NF1: variants seen among roughly 807,000 people sequenced by gnomAD.
The protein encoded by NF1 is neurofibromin.
Under a neutral mutation model 325.7 loss-of-function variants are expected in NF1, and 122 were observed. The observed-to-expected ratio is 0.37, with a 90% CI of 0.32 to 0.44. The LOEUF (loss-of-function observed/expected upper bound fraction) is 0.44, where lower values mean the gene tolerates loss of function less well. Ranked by LOEUF, NF1 falls within the 20% of genes least tolerant of loss-of-function variation. The pLI is 1.00. For missense variants in NF1, 2,140 were observed against 3,415.4 expected, an observed-to-expected ratio of 0.63 and a Z score of 9.31; for synonymous variants, 1,091 against 1,186.0, an observed-to-expected ratio of 0.92 and a Z score of 1.65.
chr17:31,232,595 C>T (rs2067131404), intron 25 of NF1, 105 bp from the exon 26 acceptor site: 1 of 1,094,434 alleles, frequency 9.1e-7, no homozygotes, highest in South Asian at 1.3e-5. Context: ...AACAGTTAAC[C>T]CAGGGCCATT....
intron 1 of NF1, among the ~76,000 whole-genome samples, chr17:31,128,872 G>A (rs1192054469): frequency 6.6e-6 from 1 of 151,422 alleles, no homozygotes; most frequent in African/African-American, 2.4e-5. Flanking sequence ...CTTGCAGTGA[G>A]CCTAGATCGC....
At chr17:31,320,374 T>C (rs766741150) in intron 36 of NF1, 64 of 1,582,422 alleles carry the variant, frequency 4.0e-5, no homozygotes, top group South Asian at 1.2e-5. Context: ...GATTCTTACC[T>C]AGCTAGTATA....
chr17:31,229,289 A>T lies in NF1; in HGVS notation c.2674A>T (p.Ser892Cys), dbSNP rs746324091. The T allele has an allele frequency of 1.2e-6, 2 of 1,613,928 alleles. No homozygotes were observed. Among genetic ancestry groups the T allele is most frequent in the South Asian group, 1.1e-5 (1 of 91,076 alleles). The change falls in exon 21 of 58, where the codon AGC becomes TGC. Residue 892 changes from serine (S) to cysteine (C), a missense_variant. Transcript: ENST00000358273. ...SSEGNADTPV[S>C]KFMDRLLSLM... ...AGAGGGAAACGCAGATACACCTGTCAGCAAATTTATGGATCGGCTGTTGTC... is the reference window on the plus strand; with the variant it reads ...AGAGGGAAACGCAGATACACCTGTCTGCAAATTTATGGATCGGCTGTTGTC...
intron 1 of NF1, among the ~76,000 whole-genome samples, chr17:31,127,681 C>G (rs776870889): frequency 8.0e-4 from 121 of 151,212 alleles, no homozygotes; most frequent in Middle Eastern, 6.8e-3. Context: ...ATCCTCTAGT[C>G]TCAGCCTCCC....
At chr17:31,319,294 A>G (rs955320017) in intron 36 of NF1, among the ~76,000 whole-genome samples, 4 of 151,936 alleles carry the variant, frequency 2.6e-5, no homozygotes, top group African/African-American at 9.7e-5. Flanking sequence ...ATGGCTTTAT[A>G]TAGTTTTCTT....
At position 31,320,343 on chromosome 17, in the gene NF1, T is replaced by TTAAAAA; in HGVS notation, c.4836-5477_4836-5476insTAAAAA. On this transcript the variant is annotated intron_variant, in intron 36 of 57. Transcript: ENST00000358273. ...AAATGTACTTAGGAGTCCTTTTATT[T>TTAAAAA]AAAAAAAAAAAAAAAAGGCAGATTC... 1.4e-5 allele frequency: 17 copies of TTAAAAA among 1,176,300 alleles called. 5 individuals carry two copies. In the South Asian group the frequency reaches 1.8e-4, roughly 13 times the overall value. The allele number at this position is 1,176,300 out of a possible 1,614,324, so 72.9% of individuals were successfully genotyped here.
chr17:31,342,776 A>G (rs2069856386), intron 47 of NF1, among the ~76,000 whole-genome samples: 1 of 152,216 alleles, frequency 6.6e-6, no homozygotes, highest in Non-Finnish European at 1.5e-5. Flanking sequence ...TGTATTGTAA[A>G]TAAAAGTGAT....
chr17:31,241,875 T>C (rs940275316), intron 29 of NF1, among the ~76,000 whole-genome samples: 2 of 152,196 alleles, frequency 1.3e-5, no homozygotes, highest in African/African-American at 4.8e-5. Flanking sequence ...TTAATGTCCT[T>C]TTCCTTTTGA....
Position 31,142,694 on chromosome 17 carries a change from T to C in NF1, c.61-13289T>C, listed in dbSNP as rs547080305. Among the ~76,000 whole-genome samples the C allele has an allele frequency of 8.6e-5, 13 of 152,022 alleles. No homozygotes were observed. In the East Asian group the frequency reaches 2.3e-3, roughly 27 times the overall value. ...CATCCTGGGTAACACAGTGAAACCCTGTCTCTACTAAAAATACAAAAAATT... is the reference window on the plus strand; with the variant it reads ...CATCCTGGGTAACACAGTGAAACCCCGTCTCTACTAAAAATACAAAAAATT... On this transcript the variant is annotated intron_variant, in intron 1 of 57. Transcript: ENST00000358273.
At chr17:31,229,526 C>G (rs527915697) in intron 21 of NF1, 61 bp downstream of exon 21, 30 of 1,549,742 alleles carry the variant, frequency 1.9e-5, no homozygotes, top group African/African-American at 1.8e-4. Flanking sequence ...TTGAAATAAG[C>G]CTTTTTCTTT....
At chr17:31,256,583 G>A (rs1338109796) in intron 31 of NF1, among the ~76,000 whole-genome samples, 4 of 152,186 alleles carry the variant, frequency 2.6e-5, no homozygotes, top group Non-Finnish European at 5.9e-5. Context: ...AGATTTCAAA[G>A]AGGTTCCTCG....
At chr17:31,210,277 A>G (rs146149687) in intron 12 of NF1, among the ~76,000 whole-genome samples, 94 of 152,278 alleles carry the variant, frequency 6.2e-4, no homozygotes, top group South Asian at 2.7e-3. Flanking sequence ...TTCTTACTTG[A>G]TGTGGTTTCA....
chr17:31,270,839 C>T lies in NF1; in HGVS notation c.4835+5500C>T, dbSNP rs16972135. 7.9e-3 allele frequency among the ~76,000 whole-genome samples: 1,203 copies of T among 152,266 alleles called. 21 individuals carry two copies. The highest frequency in any genetic ancestry group is 0.028 in the African/African-American group (1,144 of 41,542). On this transcript the variant is annotated intron_variant, in intron 36 of 57. Coordinates refer to ENST00000358273, the MANE Select transcript of NF1 (RefSeq NM_001042492.3). Reference sequence around the variant, plus strand: ...TGAGATATTATTAACAATTAATTGACGTACGTATAAACTGAAACCCAAACA... The same window carrying T: ...TGAGATATTATTAACAATTAATTGATGTACGTATAAACTGAAACCCAAACA...
At chr17:31,196,733 T>G (rs1324635563) in intron 8 of NF1, among the ~76,000 whole-genome samples, 1 of 152,200 alleles carries the variant, frequency 6.6e-6, no homozygotes, top group Non-Finnish European at 1.5e-5. Flanking sequence ...AAGAAAAGGG[T>G]CCATCTTCAT....
chr17:31,160,275 A>G (rs1425910430), intron 3 of NF1, among the ~76,000 whole-genome samples: 2 of 152,080 alleles, frequency 1.3e-5, no homozygotes, highest in Non-Finnish European at 2.9e-5. Flanking sequence ...TTCATAAGCC[A>G]TGGGGGTTCA....
intron 11 of NF1, 98 bp from the exon 12 acceptor site, chr17:31,206,142 C>T (rs970478847): frequency 1.8e-5 from 26 of 1,422,030 alleles, no homozygotes; most frequent in African/African-American, 1.1e-4. Context: ...AGAAAGTTCC[C>T]GACAAAAGGA....
At chr17:31,276,863 G>A (rs925733036) in intron 36 of NF1, among the ~76,000 whole-genome samples, 1 of 152,140 alleles carries the variant, frequency 6.6e-6, no homozygotes, top group Non-Finnish European at 1.5e-5. Context: ...GAACAACACT[G>A]GGGTTAGGGG....
At chr17:31,149,455 T>C (rs1458373994) in intron 1 of NF1, among the ~76,000 whole-genome samples, 4 of 152,086 alleles carry the variant, frequency 2.6e-5, no homozygotes, top group South Asian at 4.1e-4. Flanking sequence ...CGCGCCACCA[T>C]GGTCAACTAA....
intron 24 of NF1, among the ~76,000 whole-genome samples, chr17:31,231,540 CCCTGACTTA>C (rs1567850434): frequency 6.6e-6 from 1 of 152,148 alleles, no homozygotes; most frequent in Non-Finnish European, 1.5e-5. Flanking sequence ...ATGCTCAAGT[CCCTGACTTA>C]AGATGTCATA....
Sources: allele counts gnomAD v4.1 joint callset (sites outside exome capture counted in the v4.1 genomes callset), GRCh38; gene constraint gnomAD v4.1.1; transcripts MANE v1.5; gene names NCBI Gene and HGNC (gene_info 2026-07-23, HGNC 2026-07-21).